Variants in SUPT4H1 observed in about 807,000 individuals in gnomAD.
The protein encoded by SUPT4H1 is transcription elongation factor SPT4.
In SUPT4H1, 12 loss-of-function variants were observed where a neutral mutation model predicts 19.4. That is an observed-to-expected ratio of 0.62 (90% CI 0.40 to 1.00). The LOEUF (loss-of-function observed/expected upper bound fraction) is 1.00. Among genes scored for constraint, SUPT4H1 ranks in the 50% least tolerant of loss-of-function variants. SUPT4H1 has a pLI of 0.00. For synonymous variants in SUPT4H1, 58 were observed against 56.3 expected (o/e 1.03, Z -0.14); for missense variants, 115 against 149.2 (o/e 0.77, Z 1.19).
At position 58,351,508 on chromosome 17, in the gene SUPT4H1, T is replaced by A; in HGVS notation, c.70A>T (p.Thr24Ser). The A allele has an allele frequency of 6.2e-7, 1 of 1,600,496 alleles. No individual in the cohort carries two copies. The highest frequency in any genetic ancestry group is 1.1e-5 in the South Asian group (1 of 89,742). ...RACLLCSLVK[T>S]IDQFEYDGCD... Reference sequence around the variant, plus strand: ...CCATCATATTCAAACTGGTCTATAGTCTGGGAGTGAAAGAAAAATAAAGGA... The same window carrying A: ...CCATCATATTCAAACTGGTCTATAGACTGGGAGTGAAAGAAAAATAAAGGA... The change falls in exon 2 of 5, where the codon ACT becomes TCT. Residue 24 changes from threonine (T) to serine (S), a missense_variant and splice_region_variant. Coordinates refer to ENST00000225504, the MANE Select transcript of SUPT4H1 (RefSeq NM_003168.3).
intron 2 of SUPT4H1, among the ~76,000 whole-genome samples, chr17:58,349,854 G>T (rs1972426547): frequency 6.6e-6 from 1 of 152,222 alleles, no homozygotes; most frequent in Non-Finnish European, 1.5e-5. Flanking sequence ...ACAAAGCATG[G>T]TGGTTGTCAG....
Position 58,351,404 on chromosome 17 carries a change from A to C in SUPT4H1, c.174T>G (p.Asp58Glu), listed in dbSNP as rs2143334955. Residue 58 changes from aspartate to glutamate, a missense_variant and splice_region_variant, in exon 2 of 5, where the codon GAT becomes GAG. Physicochemically the swap from Asp to Glu is conservative, Grantham distance 45. Coordinates refer to ENST00000225504, the MANE Select transcript of SUPT4H1 (RefSeq NM_003168.3). ...MVYDCTSSSF[D>E]GIIAMMSPED... is the part of the protein sequence containing the mutation. The stretch of plus-strand genomic sequence containing the variant: ...TGATGGAAACTGAAGCGGCTTACCC[A>C]TCAAAGGAAGAGCTAGTGCAGTCAT... 6.2e-7 allele frequency: 1 copy of C among 1,610,036 alleles called. No individual in the cohort carries two copies. Among genetic ancestry groups the C allele is most frequent in the East Asian group, 2.2e-5 (1 of 44,862 alleles).
At chr17:58,347,739 A>G (rs1212464129) in intron 2 of SUPT4H1, 155 bp from the exon 3 acceptor site, 4 of 696,662 alleles carry the variant, frequency 5.7e-6, no homozygotes, top group Non-Finnish European at 1.0e-5. Context: ...ACTCAAAGCT[A>G]GGACTGACAA....
At chr17:58,348,566 C>A (rs1395888256) in intron 2 of SUPT4H1, among the ~76,000 whole-genome samples, 1 of 152,198 alleles carries the variant, frequency 6.6e-6, no homozygotes, top group Non-Finnish European at 1.5e-5. Context: ...TCTTCTCTGT[C>A]CTTTGCAATC....
chr17:58,349,466 G>A (rs1972407730), intron 2 of SUPT4H1, among the ~76,000 whole-genome samples: 1 of 152,230 alleles, frequency 6.6e-6, no homozygotes. Context: ...TGTGTTAAAT[G>A]CACTTTTGGC....
intron 2 of SUPT4H1, 128 bp downstream of exon 2, chr17:58,351,274 A>C (rs1354816731): frequency 1.3e-4 from 71 of 543,320 alleles, no homozygotes; most frequent in Middle Eastern, 5.0e-4. Flanking sequence ...AAAAAAAAAA[A>C]CCCACACAAA....
At chr17:58,348,696 C>T (rs1446117545) in intron 2 of SUPT4H1, among the ~76,000 whole-genome samples, 2 of 152,160 alleles carry the variant, frequency 1.3e-5, no homozygotes, top group Non-Finnish European at 2.9e-5. Context: ...CTAGTCACTC[C>T]CTTTATTTGG....
chr17:58,350,013 T>A (rs1972436008), intron 2 of SUPT4H1, among the ~76,000 whole-genome samples: 1 of 152,246 alleles, frequency 6.6e-6, no homozygotes, highest in African/African-American at 2.4e-5. Context: ...CCGGGCACAG[T>A]GGCTCATGCC....
chr17:58,351,559 C>A, intron 1 of SUPT4H1, 51 bp from the exon 2 acceptor site: 1 of 1,321,218 alleles, frequency 7.6e-7, no homozygotes. Context: ...ATGAACAAGA[C>A]CAAGAGAAAA....
At chr17:58,351,584 T>C (rs1362718163) in intron 1 of SUPT4H1, 76 bp from the exon 2 acceptor site, 5 of 959,072 alleles carry the variant, frequency 5.2e-6, no homozygotes, top group Non-Finnish European at 8.3e-6. Flanking sequence ...GCTTTCTCAA[T>C]ACTTCGACCT....
At chr17:58,347,118 T>C in intron 4 of SUPT4H1, 70 bp downstream of exon 4, 1 of 1,445,070 alleles carries the variant, frequency 6.9e-7, no homozygotes, top group Admixed American at 1.7e-5. Context: ...AGAATTGGCA[T>C]TAATTCAGAT....
At chr17:58,350,623 G>A (rs1038452408) in intron 2 of SUPT4H1, among the ~76,000 whole-genome samples, 1 of 151,420 alleles carries the variant, frequency 6.6e-6, no homozygotes, top group Non-Finnish European at 1.5e-5. Flanking sequence ...ATCACCTGAG[G>A]TCAGGAGTTT....
intron 2 of SUPT4H1, 83 bp from the exon 3 acceptor site, chr17:58,347,667 C>A: frequency 7.1e-7 from 1 of 1,400,992 alleles, no homozygotes; most frequent in Non-Finnish European, 1.0e-6. Context: ...TAGGAAAAAG[C>A]CAAGTACCGA....
chr17:58,347,276 G>C, intron 3 of SUPT4H1, 35 bp from the exon 4 acceptor site: 1 of 1,610,948 alleles, frequency 6.2e-7, no homozygotes, highest in South Asian at 1.1e-5. Context: ...AGATTACAGT[G>C]AAGTTAGTTA....
Position 58,346,072 on chromosome 17 carries a change from C to A in SUPT4H1, c.*174G>T, listed in dbSNP as rs774821316. ...CCACCAACCCAAATCCCTCCCACCC[C>A]ACCTGTAGTCCAAAGAAGATAAAAT... On this transcript the variant is annotated 3_prime_UTR_variant, in exon 5 of 5. Coordinates refer to ENST00000225504, the MANE Select transcript of SUPT4H1 (RefSeq NM_003168.3). 2 of 586,638 alleles carry A rather than the reference C, an allele frequency of 3.4e-6. No individual in the cohort carries two copies. Among genetic ancestry groups the A allele is most frequent in the Non-Finnish European group, 6.1e-6 (2 of 327,952 alleles). 36.3% of individuals were successfully genotyped at this position (586,638 alleles called of 1,614,324 possible).
At chr17:58,350,836 CAAAAAAA>C (rs35040111) in intron 2 of SUPT4H1, among the ~76,000 whole-genome samples, 15,041 of 82,156 alleles carry the variant, frequency 0.18, 896 homozygotes, top group Middle Eastern at 0.35. Flanking sequence ...AAAGTCTGTC[CAAAAAAA>C]AAAAAAAAAA....
In SUPT4H1 at chr17:58,351,185, C is replaced by T. The variant is rs1466287500; in HGVS notation, c.176+217G>A. 2.0e-5 allele frequency among the ~76,000 whole-genome samples: 3 copies of T among 147,904 alleles called. No homozygotes were observed. The Admixed American group carries it at 2.0e-4, about 10-fold the overall frequency. On this transcript the variant is annotated intron_variant, in intron 2 of 4. Transcript: ENST00000225504. ...GGAGGTTGAAGTCAGAGGATCATTC[C>T]ACGCTGCAGTGAGCTATGATCATGC...
intron 2 of SUPT4H1, among the ~76,000 whole-genome samples, chr17:58,350,448 T>G (rs1037272880): frequency 1.0e-4 from 15 of 149,914 alleles, no homozygotes; most frequent in African/African-American, 3.5e-4. Flanking sequence ...GAGGCGGAGG[T>G]TGCAGTGAGC....
At chr17:58,347,105 G>A in intron 4 of SUPT4H1, 83 bp downstream of exon 4, 4 of 1,353,674 alleles carry the variant, frequency 3.0e-6, no homozygotes, top group Middle Eastern at 1.8e-4. Context: ...CTCATAGAAT[G>A]TGAGAATTGG....
Sources: gnomAD v4.1 joint callset for allele counts (sites outside exome capture counted in the v4.1 genomes callset) on GRCh38, gnomAD v4.1.1 for gene constraint, MANE v1.5 for transcripts, NCBI Gene and HGNC (gene_info 2026-07-23, HGNC 2026-07-21) for gene names.